CFAP20DC: variants seen among roughly 807,000 people sequenced by gnomAD.
The protein encoded by CFAP20DC is CFAP20 domain containing.
Under a neutral mutation model 101.7 loss-of-function variants are expected in CFAP20DC, and 84 were observed. The observed-to-expected ratio is 0.83, with a 90% confidence interval of 0.69 to 0.99. The LOEUF (loss-of-function observed/expected upper bound fraction) is 0.99, where lower values mean the gene tolerates loss of function less well. CFAP20DC is among the 50% of genes least tolerant of loss of function. The pLI is 0.00. For synonymous variants in CFAP20DC, 359 were observed against 351.2 expected, an observed-to-expected ratio of 1.02 and a Z score of -0.25; for missense variants, 1,007 against 970.3, an observed-to-expected ratio of 1.04 and a Z score of -0.50.
intron 15 of CFAP20DC, among the ~76,000 whole-genome samples, chr3:58,805,347 T>C (rs1329875774): frequency 6.6e-6 from 1 of 152,228 alleles, no homozygotes; most frequent in African/African-American, 2.4e-5. Context: ...GCCTCTTGCC[T>C]TTCTAGTTCC....
At position 58,753,864 on chromosome 3, in the gene CFAP20DC, C is replaced by G. The variant is rs1162394365; in HGVS notation, c.2238-1G>C. 2 of 1,600,826 alleles carry G rather than the reference C, an allele frequency of 1.2e-6. No individual in the cohort carries two copies. Among genetic ancestry groups the G allele is most frequent in the African/African-American group, 1.3e-5 (1 of 74,286 alleles). On this transcript the variant is annotated splice_acceptor_variant, in intron 15 of 16. Coordinates refer to ENST00000482387, the MANE Select transcript of CFAP20DC (RefSeq NM_001394063.1). LOFTEE classifies it high-confidence loss of function. ...TGGGCTCAACATATTTAACCAGTCC[C>G]TAAAAAGAAAACAAAGTGAATGAGC...
intron 6 of CFAP20DC, among the ~76,000 whole-genome samples, chr3:58,904,306 G>T (rs1165810041): frequency 5.9e-5 from 9 of 151,948 alleles, no homozygotes; most frequent in Non-Finnish European, 1.3e-4. Flanking sequence ...TTTTATAAAT[G>T]TTTAATTTTA....
chr3:58,783,211 A>C (rs913688684), intron 15 of CFAP20DC, among the ~76,000 whole-genome samples: 1 of 152,124 alleles, frequency 6.6e-6, no homozygotes, highest in Non-Finnish European at 1.5e-5. Context: ...TGGTGCTGGG[A>C]AAATTGGATA....
chr3:58,731,260 G>A (rs1420814327), intron 3 of CFAP20DC, among the ~76,000 whole-genome samples: 1 of 152,180 alleles, frequency 6.6e-6, no homozygotes, highest in African/African-American at 2.4e-5. Context: ...AAAACAGTTT[G>A]TTCTTTTTAT....
rs1174682439 is a variant in CFAP20DC at position 58,722,979 on chromosome 3, G to A, written c.198-5351C>T. Among the ~76,000 whole-genome samples the A allele has an allele frequency of 2.0e-5, 3 of 152,196 alleles. No individual in the cohort carries two copies. The highest frequency in any genetic ancestry group is 2.1e-4 in the South Asian group (1 of 4,826). The stretch of plus-strand genomic sequence containing the variant: ...ACATGATCAGGTTTCTCAAACAGTC[G>A]AAATCCCTGACAACCATGCTGGTGA... On this transcript the variant is annotated intron_variant, in intron 3 of 3. Coordinates refer to the CFAP20DC transcript ENST00000486145. This position sits in a 1 kb window ranked among gnomAD's most constrained non-coding sequence, Gnocchi z 4.5.
At chr3:58,886,277 C>A (rs2081618451) in intron 6 of CFAP20DC, among the ~76,000 whole-genome samples, 1 of 151,728 alleles carries the variant, frequency 6.6e-6, no homozygotes. Flanking sequence ...GTGTTAAGTA[C>A]ATAACAGTGT....
rs532801200 is a variant in CFAP20DC at position 58,863,997 on chromosome 3, G to T, written c.1259-105C>A. The T allele has an allele frequency of 2.6e-5, 30 of 1,139,366 alleles. No homozygotes were observed. Among genetic ancestry groups the T allele is most frequent in the Non-Finnish European group, 3.5e-5 (29 of 833,884 alleles). 70.6% of individuals were successfully genotyped at this position (1,139,366 alleles called of 1,614,324 possible). On this transcript the variant is annotated intron_variant, in intron 11 of 16. Transcript: ENST00000482387. This position sits in a 1 kb window ranked among gnomAD's most constrained non-coding sequence, Gnocchi z 5.9. Reference sequence around the variant, plus strand: ...GTTTTTGAGACAGTCTCACTCTGCCGCCTAGGCTGCAGTGCAGTCACGCGA... The same window carrying T: ...GTTTTTGAGACAGTCTCACTCTGCCTCCTAGGCTGCAGTGCAGTCACGCGA...
intron 4 of CFAP20DC, among the ~76,000 whole-genome samples, chr3:59,031,062 T>C (rs1281834468): frequency 6.6e-6 from 1 of 152,178 alleles, no homozygotes; most frequent in Non-Finnish European, 1.5e-5. Flanking sequence ...GACCTCGTGA[T>C]CCACACACCT....
chr3:58,723,736 G>A (rs564230527), intron 3 of CFAP20DC, among the ~76,000 whole-genome samples: 117 of 152,320 alleles, frequency 7.7e-4, no homozygotes, highest in Non-Finnish European at 1.5e-3. Flanking sequence ...CAGGTGGGGT[G>A]TAAGTAGTAA....
At chr3:58,982,245 T>G (rs2092581401) in intron 4 of CFAP20DC, among the ~76,000 whole-genome samples, 1 of 152,144 alleles carries the variant, frequency 6.6e-6, no homozygotes, top group African/African-American at 2.4e-5. Context: ...TAGGAACACT[T>G]TTACACTGTT....
intron 4 of CFAP20DC, among the ~76,000 whole-genome samples, chr3:58,984,441 C>G (rs2092685620): frequency 6.6e-6 from 1 of 152,146 alleles, no homozygotes; most frequent in African/African-American, 2.4e-5. Flanking sequence ...CCAGCAAACT[C>G]TGAAATGCAA....
intron 15 of CFAP20DC, among the ~76,000 whole-genome samples, chr3:58,778,377 C>A (rs1056747962): frequency 7.2e-5 from 11 of 152,174 alleles, no homozygotes; most frequent in Non-Finnish European, 1.3e-4. Context: ...ACTGGGTATT[C>A]CTCTTCGGGT....
chr3:58,832,900 C>T lies in CFAP20DC; in HGVS notation c.1972-1011G>A, dbSNP rs186864405. 1.7e-4 allele frequency among the ~76,000 whole-genome samples: 26 copies of T among 152,212 alleles called. No individual in the cohort carries two copies. In the East Asian group the frequency reaches 3.9e-3, roughly 23 times the overall value. On this transcript the variant is annotated intron_variant, in intron 13 of 16. Transcript: ENST00000482387. ...TCACATATGAGCAGTGTGATTTACACGCAGAACTGCCATATAACTTAAAAG... is the reference window on the plus strand; with the variant it reads ...TCACATATGAGCAGTGTGATTTACATGCAGAACTGCCATATAACTTAAAAG...
chr3:58,800,367 C>G (rs1158886032), intron 15 of CFAP20DC, among the ~76,000 whole-genome samples: 1 of 152,190 alleles, frequency 6.6e-6, no homozygotes, highest in Non-Finnish European at 1.5e-5. Flanking sequence ...GAAGGGAACA[C>G]TTGCTGAGTC....
chr3:58,803,635 C>A (rs2073861311), intron 15 of CFAP20DC, among the ~76,000 whole-genome samples: 1 of 151,954 alleles, frequency 6.6e-6, no homozygotes, highest in Non-Finnish European at 1.5e-5. Flanking sequence ...TATTTATGGC[C>A]CAATAATGCC....
At chr3:58,891,400 C>G (rs945868840) in intron 6 of CFAP20DC, among the ~76,000 whole-genome samples, 7 of 143,076 alleles carry the variant, frequency 4.9e-5, no homozygotes, top group African/African-American at 1.3e-4. Context: ...AGAGGGAGAC[C>G]GTGGAAAGAG....
chr3:58,966,481 T>TATATATATATATATATATATATATATAC (rs2091542557), intron 4 of CFAP20DC, among the ~76,000 whole-genome samples: 1 of 116,570 alleles, frequency 8.6e-6, no homozygotes, highest in Non-Finnish European at 2.2e-5. Flanking sequence ...TGTGTATATA[T>TATATATATATATATATATATATATATAC]ATATATATAC....
chr3:59,024,871 G>A (rs1033220461), intron 4 of CFAP20DC, among the ~76,000 whole-genome samples: 3 of 152,166 alleles, frequency 2.0e-5, no homozygotes, highest in African/African-American at 7.2e-5. Context: ...GAAAAAAACA[G>A]TGAGCTACAT....
rs115118406 is a variant in CFAP20DC, at chr3:58,904,162, G to A, written c.550+9546C>T. 2.0e-3 allele frequency among the ~76,000 whole-genome samples: 310 copies of A among 152,154 alleles called. 2 individuals carry two copies. Among genetic ancestry groups the A allele is most frequent in the African/African-American group, 7.2e-3 (301 of 41,548 alleles). ...GTCTTCTTTAATTTCTTGCAGGAAC[G>A]TTTTGTAGTTTTCAGTGTACTTTCT... On this transcript the variant is annotated intron_variant, in intron 6 of 16. Coordinates refer to ENST00000482387, the MANE Select transcript of CFAP20DC (RefSeq NM_001394063.1).
Sources: gnomAD v4.1 joint callset for allele counts (sites outside exome capture counted in the v4.1 genomes callset) on GRCh38, gnomAD v4.1.1 for gene constraint, Gnocchi (gnomAD v3.1) non-coding constraint, MANE v1.5 for transcripts, NCBI Gene and HGNC (gene_info 2026-07-23, HGNC 2026-07-21) for gene names.